Variants in CABLES1 observed in about 807,000 individuals in gnomAD.
The protein encoded by CABLES1 is CDK5 and ABL1 enzyme substrate 1.
In CABLES1, 36 loss-of-function variants were observed where a neutral mutation model predicts 57.8. The observed-to-expected ratio is 0.62, with a 90% CI of 0.48 to 0.82. CABLES1 has a LOEUF of 0.82. Ranked by LOEUF, CABLES1 falls within the 40% of genes least tolerant of loss-of-function variation. CABLES1 has a pLI of 0.00. For synonymous variants in CABLES1, 374 were observed against 363.0 expected (o/e 1.03, Z -0.35); for missense variants, 767 against 836.6 (o/e 0.92, Z 1.03).
intron 1 of CABLES1, among the ~76,000 whole-genome samples, chr18:23,153,131 T>C (rs1488074805): frequency 3.3e-5 from 5 of 151,970 alleles, no homozygotes; most frequent in African/African-American, 4.8e-5. Context: ...CTTTTTTTTT[T>C]CCCTCCCAGG....
rs746894292 is a variant in CABLES1 at position 23,257,244 on chromosome 18, C to T, written c.1779C>T (p.Phe593=). 2.0e-5 allele frequency: 32 copies of T among 1,605,162 alleles called. No homozygotes were observed. In the African/African-American group the frequency reaches 3.9e-4, roughly 20 times the overall value. Residue 593 remains phenylalanine (F), a synonymous_variant, in exon 10 of 10, where the codon TTC becomes TTT. Coordinates refer to ENST00000256925, the MANE Select transcript of CABLES1 (RefSeq NM_001100619.3). ...KHLIDKLEEK[F]RLNRRELIAF... Reference sequence around the variant, plus strand: ...TGTTGCAGAAACTGGAAGAGAAGTTCCGGCTGAACAGGCGAGAACTGATTG... The same window carrying T: ...TGTTGCAGAAACTGGAAGAGAAGTTTCGGCTGAACAGGCGAGAACTGATTG...
At chr18:23,198,916 A>G (rs903744978) in intron 3 of CABLES1, among the ~76,000 whole-genome samples, 2 of 152,352 alleles carry the variant, frequency 1.3e-5, no homozygotes, top group African/African-American at 4.8e-5. Flanking sequence ...TAGTTCTGCA[A>G]CCGTAGGAAA....
At position 23,174,765 on chromosome 18, in the gene CABLES1, G is replaced by A. The variant is rs12605057; in HGVS notation, c.846-14073G>A. Among the ~76,000 whole-genome samples, 128 of 146,384 alleles carry A rather than the reference G, an allele frequency of 8.7e-4. 1 individual carries two copies. In the East Asian group the frequency reaches 0.014, roughly 16 times the overall value. On this transcript the variant is annotated intron_variant, in intron 1 of 9. Coordinates refer to ENST00000256925, the MANE Select transcript of CABLES1 (RefSeq NM_001100619.3). ...GGGATTACAGGTGTGAGCCCACCGC[G>A]CCCGGCCTGTGTTTAACATTTTGGA...
chr18:23,137,062 C>T (rs577249365), intron 1 of CABLES1, among the ~76,000 whole-genome samples: 66 of 152,360 alleles, frequency 4.3e-4, no homozygotes, highest in Admixed American at 1.0e-3. Context: ...CACGCGTGAC[C>T]CTCCGGAGAA....
rs959514660 is a variant in CABLES1 at position 23,136,257 on chromosome 18, G to A, written c.495G>A (p.Gly165=). ...ATVSGPGVAR[G]FASPLGAGRA... ...TGTCCGGCCCCGGGGTGGCGCGGGG[G>A]TTCGCGAGTCCCCTGGGCGCCGGCC... Residue 165 remains glycine (G), a synonymous_variant, in exon 1 of 10, where the codon GGG becomes GGA. Coordinates refer to ENST00000256925, the MANE Select transcript of CABLES1 (RefSeq NM_001100619.3). 23 of 1,324,980 alleles carry A rather than the reference G, an allele frequency of 1.7e-5. No individual in the cohort carries two copies. Among genetic ancestry groups the A allele is most frequent in the Middle Eastern group, 2.9e-4 (1 of 3,480 alleles). The allele number at this position is 1,324,980 out of a possible 1,614,324, so 82.1% of individuals were successfully genotyped here.
intron 7 of CABLES1, among the ~76,000 whole-genome samples, chr18:23,246,718 G>A (rs540665235): frequency 6.6e-6 from 1 of 151,850 alleles, no homozygotes; most frequent in South Asian, 2.1e-4. Flanking sequence ...TTTTGAGACA[G>A]TCTCACTCTG....
At chr18:23,240,863 T>C (rs1227883483) in intron 7 of CABLES1, among the ~76,000 whole-genome samples, 3 of 151,420 alleles carry the variant, frequency 2.0e-5, no homozygotes, top group Non-Finnish European at 4.4e-5. Flanking sequence ...GCTCTCAAAG[T>C]GATGAGCTAA....
intron 1 of CABLES1, among the ~76,000 whole-genome samples, chr18:23,165,874 A>T (rs2047038916): frequency 6.6e-6 from 1 of 152,122 alleles, no homozygotes; most frequent in Non-Finnish European, 1.5e-5. Flanking sequence ...GCGATCTCTC[A>T]TGTAGGGGTG....
chr18:23,204,161 G>A (rs2047345909), intron 3 of CABLES1, among the ~76,000 whole-genome samples: 1 of 152,216 alleles, frequency 6.6e-6, no homozygotes. Context: ...AGTGGCGGAA[G>A]CGGGGAGAGA....
At chr18:23,194,133 A>G (rs2278452) in intron 2 of CABLES1, among the ~76,000 whole-genome samples, 11,464 of 152,190 alleles carry the variant, frequency 0.075, 911 homozygotes, top group Admixed American at 0.22. Flanking sequence ...TTTTAAGACA[A>G]CAATAAAGAA....
At chr18:23,169,911 G>A (rs148184531) in intron 1 of CABLES1, among the ~76,000 whole-genome samples, 79 of 152,276 alleles carry the variant, frequency 5.2e-4, no homozygotes, top group African/African-American at 1.7e-3. Context: ...CCGCCACTGT[G>A]TGGGGTCATG....
chr18:23,218,636 C>CTCCCGCATCCTCACTTGCCCTGG (rs1568072656), intron 4 of CABLES1, among the ~76,000 whole-genome samples: 5 of 109,442 alleles, frequency 4.6e-5, no homozygotes, highest in African/African-American at 1.1e-4. Flanking sequence ...ACTTGCCCTG[C>CTCCCGCATCCTCACTTGCCCTGG]CTCCCGCATC....
At chr18:23,210,641 A>G (rs2047398131) in intron 3 of CABLES1, among the ~76,000 whole-genome samples, 1 of 152,192 alleles carries the variant, frequency 6.6e-6, no homozygotes, top group Non-Finnish European at 1.5e-5. Context: ...ATACTGTTCA[A>G]GGTTTCCCAG....
intron 7 of CABLES1, among the ~76,000 whole-genome samples, chr18:23,249,934 C>T (rs1233772265): frequency 2.0e-5 from 3 of 152,206 alleles, no homozygotes; most frequent in Non-Finnish European, 4.4e-5. Flanking sequence ...CCAGCGCTGG[C>T]CCCTGCCTGC....
intron 1 of CABLES1, among the ~76,000 whole-genome samples, chr18:23,141,249 C>G (rs2046856005): frequency 6.6e-6 from 1 of 152,230 alleles, no homozygotes; most frequent in South Asian, 2.1e-4. Context: ...TATTGCTCAG[C>G]TGACTTAGAG....
intron 1 of CABLES1, among the ~76,000 whole-genome samples, chr18:23,139,539 CAGGG>C (rs1174013810): frequency 6.6e-6 from 1 of 152,074 alleles, no homozygotes; most frequent in East Asian, 1.9e-4. Flanking sequence ...TCACAACACA[CAGGG>C]AGGAAAATTC....
intron 1 of CABLES1, among the ~76,000 whole-genome samples, chr18:23,165,119 G>A (rs975268321): frequency 6.6e-6 from 1 of 151,812 alleles, no homozygotes; most frequent in Non-Finnish European, 1.5e-5. Flanking sequence ...TTAGAGACAG[G>A]GTCTTACTGT....
At chr18:23,247,741 A>G (rs2047932991) in intron 7 of CABLES1, among the ~76,000 whole-genome samples, 1 of 152,202 alleles carries the variant, frequency 6.6e-6, no homozygotes, top group Non-Finnish European at 1.5e-5. Context: ...AGCTCAGAGA[A>G]GCAGGGACAA....
intron 7 of CABLES1, among the ~76,000 whole-genome samples, chr18:23,251,653 C>T (rs529860954): frequency 1.8e-4 from 27 of 152,228 alleles, no homozygotes; most frequent in African/African-American, 5.3e-4. Context: ...AGGATTTCTC[C>T]AATTTAGAAA....
Sources: gnomAD v4.1 joint callset for allele counts (sites outside exome capture counted in the v4.1 genomes callset) on GRCh38, gnomAD v4.1.1 for gene constraint, MANE v1.5 for transcripts, NCBI Gene and HGNC (gene_info 2026-07-23, HGNC 2026-07-21) for gene names.